Variants in ANKRD24 observed in about 807,000 individuals in gnomAD.
ANKRD24 encodes the protein ankyrin repeat domain 24, also known as ankyrin repeat domain-containing protein 24.
ANKRD24 carries 109 observed loss-of-function variants against 127.8 expected under a neutral mutation model. The ratio of observed to expected loss-of-function variants is 0.85; its 90% CI spans 0.73 to 1.00. ANKRD24 has a LOEUF of 1.00. Ranked by LOEUF, ANKRD24 falls within the 50% of genes least tolerant of loss-of-function variation. The probability of loss-of-function intolerance (pLI) is 0.00; values close to 1 mark genes in which losing one functional copy is unlikely to be tolerated. For missense variants in ANKRD24, 1,648 were observed against 1,570.2 expected (o/e 1.05, Z -0.84); for synonymous variants, 743 against 671.1 (o/e 1.11, Z -1.66).
Position 4,224,469 on chromosome 19 carries a change from T to G in ANKRD24, c.3405T>G (p.Ile1135Met). 1 of 1,612,862 alleles carries G rather than the reference T, an allele frequency of 6.2e-7. No homozygotes were observed. Among genetic ancestry groups the G allele is most frequent in the Non-Finnish European group, 8.5e-7 (1 of 1,179,522 alleles). The change falls in exon 22 of 22, where the codon ATT becomes ATG. Residue 1135 changes from isoleucine to methionine, a missense_variant. Coordinates refer to ENST00000318934, the MANE Select transcript of ANKRD24 (RefSeq NM_001393985.1). ...ATGTGCAGCGGATTCTCAGCCAGAT[T>G]CTGCAGATGCAGAGACTCCAGGCTC... ...DEDVQRILSQ[I>M]LQMQRLQAQG...
rs45510899 is a variant in ANKRD24, at chr19:4,216,321, G to A, written c.1308G>A (p.Ser436=). Reference sequence around the variant, plus strand: ...TGCTGTCCAGACAACTCAGTCCGTCGGCCCAGGAACACCTGGCCTCGCTGC... The same window carrying A: ...TGCTGTCCAGACAACTCAGTCCGTCAGCCCAGGAACACCTGGCCTCGCTGC... The part of the protein sequence containing the change: ...EVLLSRQLSP[S]AQEHLASLQE... The change falls in exon 17 of 22, where the codon TCG becomes TCA. Residue 436 remains serine (S), a synonymous_variant. Transcript: ENST00000318934. 4.5e-6 allele frequency: 7 copies of A among 1,562,988 alleles called. No individual in the cohort carries two copies. Among genetic ancestry groups the A allele is most frequent in the East Asian group, 2.4e-5 (1 of 41,840 alleles).
At chr19:4,200,308 T>G in intron 5 of ANKRD24, 137 bp downstream of exon 5, 2 of 961,582 alleles carry the variant, frequency 2.1e-6, no homozygotes, top group Non-Finnish European at 1.5e-6. Context: ...GCTCCTCCCC[T>G]GCCCCCAGGG....
chr19:4,200,737 G>T (rs1317756291), intron 5 of ANKRD24, among the ~76,000 whole-genome samples: 3 of 152,062 alleles, frequency 2.0e-5, no homozygotes, highest in Non-Finnish European at 4.4e-5. Context: ...GCCCAGGCCG[G>T]TCTTGAACTC....
At chr19:4,187,090 A>G (rs1968107384) in intron 2 of ANKRD24, among the ~76,000 whole-genome samples, 1 of 152,118 alleles carries the variant, frequency 6.6e-6, no homozygotes, top group African/African-American at 2.4e-5. Context: ...GGCTTCCCAG[A>G]GGAGGTGGTA....
At chr19:4,182,838 G>A (rs1599378913) in intron 1 of ANKRD24, 98 bp downstream of exon 1, 6 of 724,078 alleles carry the variant, frequency 8.3e-6, no homozygotes, top group Non-Finnish European at 1.0e-5. Context: ...TAAAATGCGG[G>A]ACACAGGCTA....
rs550942489 is a variant in ANKRD24 at position 4,195,897 on chromosome 19, A to G, written c.37-3786A>G. On this transcript the variant is annotated intron_variant, in intron 2 of 21. Transcript: ENST00000318934. This position sits in a 1 kb window ranked among gnomAD's most constrained non-coding sequence, Gnocchi z 4.2. ...TGGAAGAGCAAGACTCCGTCTCAAA[A>G]GAAAAAAAGTAAAAGTCTAAGAATA... Among the ~76,000 whole-genome samples the G allele has an allele frequency of 1.3e-5, 2 of 152,282 alleles. No homozygotes were observed. The highest frequency in any genetic ancestry group is 3.9e-4 in the East Asian group (2 of 5,182).
At chr19:4,183,847 C>T (rs918340749) in intron 1 of ANKRD24, among the ~76,000 whole-genome samples, 1 of 152,066 alleles carries the variant, frequency 6.6e-6, no homozygotes, top group Non-Finnish European at 1.5e-5. Context: ...GCGGAGATTG[C>T]GGTGAGCCGG....
At chr19:4,221,181 G>A (rs556296464) in intron 19 of ANKRD24, among the ~76,000 whole-genome samples, 96 of 151,632 alleles carry the variant, frequency 6.3e-4, no homozygotes, top group Admixed American at 5.3e-4. Flanking sequence ...GGGTTCAAGA[G>A]ATTCTCCTGC....
rs748983083 is a variant in ANKRD24 at position 4,202,063 on chromosome 19, C to G, written c.381C>G (p.His127Gln). 6.2e-7 allele frequency: 1 copy of G among 1,613,840 alleles called. No individual in the cohort carries two copies. Among genetic ancestry groups the G allele is most frequent in the Non-Finnish European group, 8.5e-7 (1 of 1,179,848 alleles). ...TCCACCTGGCCGCCAAATACGGGCA[C>G]CCACAGTGCTTGAAGCAACTACTGC... ...NALHLAAKYG[H>Q]PQCLKQLLQA... Residue 127 changes from histidine to glutamine, a missense_variant, in exon 6 of 22, where the codon CAC becomes CAG. Coordinates refer to ENST00000318934, the MANE Select transcript of ANKRD24 (RefSeq NM_001393985.1).
intron 6 of ANKRD24, 70 bp from the exon 7 acceptor site, chr19:4,202,799 G>A: frequency 2.7e-6 from 4 of 1,502,100 alleles, no homozygotes; most frequent in Non-Finnish European, 3.6e-6. Context: ...CCAGGGTAGG[G>A]AAGGCAGTCC....
At chr19:4,189,884 C>A (rs1017196357) in intron 2 of ANKRD24, among the ~76,000 whole-genome samples, 7 of 152,000 alleles carry the variant, frequency 4.6e-5, no homozygotes, top group African/African-American at 1.7e-4. Flanking sequence ...CACAAGCCTT[C>A]CCCCAGGGCT....
chr19:4,186,998 AAGAC>A (rs1381572696), intron 2 of ANKRD24, among the ~76,000 whole-genome samples: 6 of 152,212 alleles, frequency 3.9e-5, no homozygotes, highest in African/African-American at 1.4e-4. Flanking sequence ...TTGTGTCGCA[AAGAC>A]AGACAAAGCA....
In ANKRD24 at chr19:4,198,158, G is replaced by A. The variant is rs1332839222; in HGVS notation, c.37-1525G>A. The A allele has an allele frequency of 1.8e-6, 1 of 557,084 alleles. No individual in the cohort carries two copies. The highest frequency in any genetic ancestry group is 3.2e-6 in the Non-Finnish European group (1 of 314,362). The allele number at this position is 557,084 out of a possible 1,614,324, so 34.5% of individuals were successfully genotyped here. ...CCTGGAGATGCAGCCGGCGGCCTGCGCTGGTGAGGGAGCCGGGCCCCCGGC... is the reference window on the plus strand; with the variant it reads ...CCTGGAGATGCAGCCGGCGGCCTGCACTGGTGAGGGAGCCGGGCCCCCGGC... On this transcript the variant is annotated intron_variant, in intron 2 of 21. Coordinates refer to ENST00000318934, the MANE Select transcript of ANKRD24 (RefSeq NM_001393985.1). This position sits in a 1 kb window ranked among gnomAD's most constrained non-coding sequence, Gnocchi z 6.1.
intron 2 of ANKRD24, among the ~76,000 whole-genome samples, chr19:4,192,246 C>A (rs558836138): frequency 1.3e-5 from 2 of 152,290 alleles, no homozygotes; most frequent in African/African-American, 4.8e-5. Flanking sequence ...CTTTAGGTTT[C>A]AGGAAAATCT....
chr19:4,204,115 C>T (rs1402662221), intron 7 of ANKRD24, among the ~76,000 whole-genome samples: 2 of 151,910 alleles, frequency 1.3e-5, no homozygotes, highest in Non-Finnish European at 2.9e-5. Context: ...AGGCGCCTGC[C>T]ACCATGCCCG....
chr19:4,210,382 C>G lies in ANKRD24; in HGVS notation c.1059+10C>G. 6.6e-7 allele frequency: 1 copy of G among 1,517,322 alleles called. No homozygotes were observed. Among genetic ancestry groups the G allele is most frequent in the East Asian group, 2.5e-5 (1 of 40,364 alleles). The allele number at this position is 1,517,322 out of a possible 1,614,324, so 94.0% of individuals were successfully genotyped here. Reference sequence around the variant, plus strand: ...ACGGAGGCAGCAGGAGGTTAGGAGGCCTCGGAGATTTGGGCGTGGGCCAGC... The same window carrying G: ...ACGGAGGCAGCAGGAGGTTAGGAGGGCTCGGAGATTTGGGCGTGGGCCAGC... On this transcript the variant is annotated intron_variant, in intron 13 of 21. Coordinates refer to ENST00000318934, the MANE Select transcript of ANKRD24 (RefSeq NM_001393985.1).
In ANKRD24 at chr19:4,207,273, G is replaced by A; in HGVS notation, c.498G>A (p.Val166=). ...GTGGCTGTCTCTCCTGCTCAGAGGT[G>A]CTCTGCTCCTTTAAGGCACATCTAA... The part of the protein sequence containing the change: ...AAGGCLSCSE[V]LCSFKAHLNP... The change falls in exon 8 of 22, where the codon GTG becomes GTA. Residue 166 remains valine (V), a synonymous_variant. Transcript: ENST00000318934. 1 of 1,613,768 alleles carries A rather than the reference G, an allele frequency of 6.2e-7. No individual in the cohort carries two copies. The highest frequency in any genetic ancestry group is 8.5e-7 in the Non-Finnish European group (1 of 1,179,858).
chr19:4,210,224 C>T, intron 12 of ANKRD24, 41 bp from the exon 13 acceptor site: 1 of 1,559,142 alleles, frequency 6.4e-7, no homozygotes, highest in Non-Finnish European at 8.7e-7. Context: ...GATGGGGCAA[C>T]CTTAGGCCCC....
At chr19:4,208,954 C>G in intron 11 of ANKRD24, 153 bp downstream of exon 11, 10 of 631,504 alleles carry the variant, frequency 1.6e-5, no homozygotes, top group East Asian at 4.8e-5. Flanking sequence ...CACCAAGTGG[C>G]GGCAGTGTGC....
Sources: gnomAD v4.1 joint callset for allele counts (sites outside exome capture counted in the v4.1 genomes callset) on GRCh38, gnomAD v4.1.1 for gene constraint, Gnocchi (gnomAD v3.1) non-coding constraint, MANE v1.5 for transcripts, NCBI Gene and HGNC (gene_info 2026-07-23, HGNC 2026-07-21) for gene names.